Variants in MRPL43 observed in about 807,000 individuals in gnomAD.
MRPL43 encodes the protein mitochondrial ribosomal protein L43, also known as large ribosomal subunit protein mL43.
A neutral mutation model predicts 12.7 loss-of-function variants in MRPL43; 9 were observed. That is an observed-to-expected ratio of 0.71 (90% CI 0.43 to 1.24). The LOEUF (loss-of-function observed/expected upper bound fraction) is 1.24, where lower values mean the gene tolerates loss of function less well. Ranked by LOEUF, MRPL43 falls within the 50% of genes most tolerant of loss-of-function variation. The pLI, the probability that MRPL43 is intolerant of heterozygous loss-of-function variation, is 0.00. For missense variants in MRPL43, 211 were observed against 229.2 expected, an observed-to-expected ratio of 0.92 and a Z score of 0.51; for synonymous variants, 116 against 96.4, an observed-to-expected ratio of 1.20 and a Z score of -1.19.
downstream of MRPL43, chr10:100,983,940 G>A (rs1200638891): frequency 1.3e-6 from 2 of 1,484,830 alleles, no homozygotes; most frequent in Non-Finnish European, 1.8e-6. Flanking sequence ...GCCACCGGCT[G>A]AGCTGACCAA....
rs930813182 is a variant in MRPL43 at position 100,987,252 on chromosome 10, G to C, written c.132-56C>G. On this transcript the variant is annotated intron_variant, in intron 1 of 2. Transcript: ENST00000318364. ...CCCCTGACTGGGGGCGACCTACCCG[G>C]GGAGTCGTTGCCACCTCCACACCCA... 36 of 1,612,280 alleles carry C rather than the reference G, an allele frequency of 2.2e-5. 1 individual carries two copies. Among genetic ancestry groups the C allele is most frequent in the Middle Eastern group, 1.6e-4 (1 of 6,082 alleles).
chr10:100,986,416 C>CA lies in MRPL43; in HGVS notation c.*317dup. On this transcript the variant is annotated 3_prime_UTR_variant, in exon 3 of 3. Coordinates refer to ENST00000318364, the MANE Select transcript of MRPL43 (RefSeq NM_032112.3). ...CAGGGATTCTTCAGAAGCCAGCCTT[C>CA]AGACCTCTCACTGTGTTTTGAGATC... 2.0e-6 allele frequency: 3 copies of CA among 1,492,594 alleles called. No homozygotes were observed. The highest frequency in any genetic ancestry group is 2.7e-6 in the Non-Finnish European group (3 of 1,123,490). The allele number at this position is 1,492,594 out of a possible 1,614,324, so 92.5% of individuals were successfully genotyped here. A position where few individuals can be genotyped will look rare whatever the true frequency, so the allele number is the denominator to read the frequency against.
chr10:100,979,109 T>G (rs137857983), downstream of MRPL43: 3 of 1,613,948 alleles, frequency 1.9e-6, no homozygotes, highest in African/African-American at 4.0e-5. Context: ...CAGGGAGACC[T>G]GGGAGGGAAG....
At chr10:100,984,654 C>T (rs774150942), downstream of MRPL43, 1 of 1,536,246 alleles carries the variant, frequency 6.5e-7, no homozygotes, top group South Asian at 1.2e-5. Flanking sequence ...GCAGTGCCCC[C>T]ACCCTCACCT....
chr10:100,978,730 T>G, downstream of MRPL43: 1 of 1,552,892 alleles, frequency 6.4e-7, no homozygotes, highest in Non-Finnish European at 8.8e-7. Flanking sequence ...CACCCCCAAA[T>G]CCCCAGGTGA....
Position 100,986,422 on chromosome 10 carries a change from T to G in MRPL43, c.*312A>C. ...TTCTTCAGAAGCCAGCCTTCAGACC[T>G]CTCACTGTGTTTTGAGATCATTATT... On this transcript the variant is annotated 3_prime_UTR_variant, in exon 3 of 3. Transcript: ENST00000318364. 1 of 1,500,086 alleles carries G rather than the reference T, an allele frequency of 6.7e-7. No individual in the cohort carries two copies. The allele number at this position is 1,500,086 out of a possible 1,614,324, so 92.9% of individuals were successfully genotyped here.
downstream of MRPL43, chr10:100,983,998 G>A (rs756701345): frequency 4.3e-6 from 7 of 1,610,302 alleles, no homozygotes; most frequent in Admixed American, 1.2e-4. Context: ...AATGGCAATA[G>A]CTATGTGCTT....
downstream of MRPL43, chr10:100,979,176 T>C: frequency 6.2e-7 from 1 of 1,614,170 alleles, no homozygotes; most frequent in Non-Finnish European, 8.5e-7. Context: ...TCTGCCACAT[T>C]CCACTGTATG....
chr10:100,984,174 T>C (rs768734270), downstream of MRPL43: 1 of 1,559,170 alleles, frequency 6.4e-7, no homozygotes, highest in Non-Finnish European at 8.7e-7. Flanking sequence ...CCAGCCTATC[T>C]GTCCCAGGCT....
chr10:100,987,259 G>C lies in MRPL43; in HGVS notation c.131+54C>G. 1.9e-6 allele frequency: 3 copies of C among 1,612,008 alleles called. No individual in the cohort carries two copies. In the Admixed American group the frequency reaches 5.0e-5, roughly 27 times the overall value. The stretch of plus-strand genomic sequence containing the variant: ...CTGGGGGCGACCTACCCGGGGAGTC[G>C]TTGCCACCTCCACACCCACCCCGAC... On this transcript the variant is annotated intron_variant, in intron 1 of 2. Coordinates refer to ENST00000318364, the MANE Select transcript of MRPL43 (RefSeq NM_032112.3).
downstream of MRPL43, among the ~76,000 whole-genome samples, chr10:100,981,915 G>A (rs10748803): frequency 0.83 from 126,266 of 151,604 alleles, 52,753 homozygotes; most frequent in African/African-American, 0.87. Flanking sequence ...AAAATTAGCC[G>A]GGTGTGGTGG....
chr10:100,982,232 G>A (rs1368355970), downstream of MRPL43, among the ~76,000 whole-genome samples: 2 of 152,062 alleles, frequency 1.3e-5, no homozygotes, highest in Non-Finnish European at 2.9e-5. Flanking sequence ...CAGGCAGAGG[G>A]AGGCTGGCAC....
chr10:100,986,441 CATT>C lies in MRPL43; in HGVS notation c.*290_*292del, dbSNP rs1389428354. ...CAGACCTCTCACTGTGTTTTGAGAT[CATT>C]ATTATCAATTTGGATTTAAAAAACA... On this transcript the variant is annotated 3_prime_UTR_variant, in exon 3 of 3. Coordinates refer to ENST00000318364, the MANE Select transcript of MRPL43 (RefSeq NM_032112.3). 8.5e-6 allele frequency: 13 copies of C among 1,521,182 alleles called. No individual in the cohort carries two copies. In the East Asian group the frequency reaches 1.5e-4, roughly 17 times the overall value. The allele number at this position is 1,521,182 out of a possible 1,614,324, so 94.2% of individuals were successfully genotyped here.
downstream of MRPL43, chr10:100,981,347 A>G: frequency 6.2e-7 from 1 of 1,604,218 alleles, no homozygotes; most frequent in Non-Finnish European, 8.5e-7. Flanking sequence ...TTTGGTAAGG[A>G]TGACTCAAAC....
downstream of MRPL43, chr10:100,978,550 A>G: frequency 6.2e-7 from 1 of 1,614,130 alleles, no homozygotes; most frequent in South Asian, 1.1e-5. Context: ...CACAGCCACT[A>G]GGTATGAATT....
At chr10:100,978,420 G>T (rs1284219276), downstream of MRPL43, 6 of 1,606,064 alleles carry the variant, frequency 3.7e-6, no homozygotes, top group Non-Finnish European at 5.1e-6. Context: ...TCACAGACAT[G>T]GTATTTTTAG....
chr10:100,986,548 A>G lies in MRPL43; in HGVS notation c.*186T>C. ...CTTGCATAAAAATGAGTGGTTCACA[A>G]GGTCACTGCCCCCAGAAGCAGGCAC... On this transcript the variant is annotated 3_prime_UTR_variant, in exon 3 of 3. Transcript: ENST00000318364. 1.3e-6 allele frequency: 2 copies of G among 1,560,230 alleles called. No individual in the cohort carries two copies. The highest frequency in any genetic ancestry group is 4.8e-5 in the East Asian group (2 of 41,294).
downstream of MRPL43, chr10:100,983,770 G>T (rs531476226): frequency 1.9e-6 from 3 of 1,609,792 alleles, no homozygotes; most frequent in East Asian, 4.5e-5. Flanking sequence ...CGGGCCAGCC[G>T]GGCAGGAGGA....
downstream of MRPL43, chr10:100,984,356 A>G: frequency 6.9e-7 from 1 of 1,444,442 alleles, no homozygotes; most frequent in Non-Finnish European, 9.0e-7. Flanking sequence ...TGCTCCTCAG[A>G]GGTAGGTGCT....
Sources: gnomAD v4.1 joint callset for allele counts (sites outside exome capture counted in the v4.1 genomes callset) on GRCh38, gnomAD v4.1.1 for gene constraint, MANE v1.5 for transcripts, NCBI Gene and HGNC (gene_info 2026-07-23, HGNC 2026-07-21) for gene names.